Variants in NEK11 observed in about 807,000 individuals in gnomAD.
The protein encoded by NEK11 is NIMA related kinase 11, also known as serine/threonine-protein kinase Nek11.
In NEK11, 72 loss-of-function variants were observed where a neutral mutation model predicts 80.7. The observed-to-expected ratio is 0.89, with a 90% CI of 0.74 to 1.08. The LOEUF (loss-of-function observed/expected upper bound fraction) is 1.08, where lower values mean the gene tolerates loss of function less well. Among genes scored for constraint, NEK11 ranks in the 50% least tolerant of loss-of-function variants. The pLI is 0.00. For synonymous variants in NEK11, 251 were observed against 260.7 expected (o/e 0.96, Z 0.36); for missense variants, 764 against 763.6 (o/e 1.00, Z -0.01).
intron 14 of NEK11, among the ~76,000 whole-genome samples, chr3:131,174,515 G>T (rs965875631): frequency 6.6e-6 from 1 of 152,176 alleles, no homozygotes; most frequent in Non-Finnish European, 1.5e-5. Flanking sequence ...GGCATATGAG[G>T]AGTTAGTTGC....
chr3:131,249,459 G>A (rs1210975847), intron 16 of NEK11, among the ~76,000 whole-genome samples: 3 of 152,126 alleles, frequency 2.0e-5, no homozygotes, highest in African/African-American at 4.8e-5. Flanking sequence ...CACTGGCACA[G>A]CCACAATATT....
At chr3:131,331,846 A>C (rs1230000516) in intron 17 of NEK11, among the ~76,000 whole-genome samples, 1 of 152,196 alleles carries the variant, frequency 6.6e-6, no homozygotes, top group Non-Finnish European at 1.5e-5. Flanking sequence ...CTACAACCAC[A>C]GAGTCTCGCT....
intron 17 of NEK11, among the ~76,000 whole-genome samples, chr3:131,323,444 C>G (rs1280589674): frequency 6.6e-6 from 1 of 151,658 alleles, no homozygotes; most frequent in Non-Finnish European, 1.5e-5. Flanking sequence ...GAAGCCTATA[C>G]TACCTTGGCC....
chr3:131,258,012 C>A (rs577952935), intron 16 of NEK11, among the ~76,000 whole-genome samples: 1 of 152,122 alleles, frequency 6.6e-6, no homozygotes, highest in Admixed American at 6.5e-5. Flanking sequence ...TAATGGCATG[C>A]ACAGCAACCT....
intron 17 of NEK11, among the ~76,000 whole-genome samples, chr3:131,309,987 TAAAAAAAAAAAAAAAAAAAAAAAAA>T (rs558210123): frequency 4.3e-5 from 1 of 23,274 alleles, no homozygotes; most frequent in East Asian, 1.1e-3. Context: ...AGACCATGTT[TAAAAAAAAAAAAAAAAAAAAAAAAA>T]AAAAAAAAAA....
At chr3:131,335,814 T>A (rs2097172596) in intron 17 of NEK11, among the ~76,000 whole-genome samples, 1 of 152,194 alleles carries the variant, frequency 6.6e-6, no homozygotes, top group South Asian at 2.1e-4. Flanking sequence ...AGCATTCTTA[T>A]ACATCAATAA....
intron 7 of NEK11, among the ~76,000 whole-genome samples, chr3:131,150,602 G>A (rs900778559): frequency 6.6e-6 from 1 of 151,776 alleles, no homozygotes; most frequent in Non-Finnish European, 1.5e-5. Flanking sequence ...AGTTTGTTTT[G>A]TGAGCAGAAT....
chr3:131,145,320 T>C (rs992382886), intron 7 of NEK11, among the ~76,000 whole-genome samples: 9 of 152,142 alleles, frequency 5.9e-5, no homozygotes, highest in African/African-American at 1.9e-4. Context: ...CATCTTTTTA[T>C]AACCTTAATA....
chr3:131,274,205 G>C (rs922464907), intron 17 of NEK11, among the ~76,000 whole-genome samples: 9 of 146,472 alleles, frequency 6.1e-5, no homozygotes, highest in Non-Finnish European at 8.9e-5. Context: ...GAGAATATGC[G>C]GTGTTTGGTT....
intron 16 of NEK11, among the ~76,000 whole-genome samples, chr3:131,264,763 A>C (rs2096012807): frequency 6.6e-6 from 1 of 152,184 alleles, no homozygotes; most frequent in South Asian, 2.1e-4. Flanking sequence ...AGTCATTGGT[A>C]GCTTGATGGG....
chr3:131,157,121 A>G (rs556394752), intron 10 of NEK11, among the ~76,000 whole-genome samples: 107 of 152,314 alleles, frequency 7.0e-4, no homozygotes, highest in African/African-American at 2.4e-3. Flanking sequence ...ATCCCTGGTA[A>G]CAAAATATTA....
At chr3:131,110,093 T>C (rs1292554630) in intron 5 of NEK11, among the ~76,000 whole-genome samples, 172 bp downstream of exon 5, 1 of 152,168 alleles carries the variant, frequency 6.6e-6, no homozygotes, top group Non-Finnish European at 1.5e-5. Flanking sequence ...TGATTATATC[T>C]AGAGGATTTA....
intron 7 of NEK11, among the ~76,000 whole-genome samples, chr3:131,142,635 C>G (rs1344333389): frequency 6.6e-6 from 1 of 152,154 alleles, no homozygotes; most frequent in Non-Finnish European, 1.5e-5. Flanking sequence ...CCTCCCTACC[C>G]CAACTCCAAA....
chr3:131,288,118 T>G (rs1292964505), intron 17 of NEK11, among the ~76,000 whole-genome samples: 2 of 151,970 alleles, frequency 1.3e-5, no homozygotes, highest in Non-Finnish European at 2.9e-5. Context: ...GGGAGAGAGG[T>G]CTCCTCTGCC....
At chr3:131,044,932 G>C (rs899483489) in intron 3 of NEK11, among the ~76,000 whole-genome samples, 1 of 152,058 alleles carries the variant, frequency 6.6e-6, no homozygotes, top group Non-Finnish European at 1.5e-5. Context: ...CTCTTAGACC[G>C]CAGTGCAATC....
chr3:131,253,694 C>T (rs1448013028), intron 16 of NEK11, among the ~76,000 whole-genome samples: 1 of 152,122 alleles, frequency 6.6e-6, no homozygotes, highest in African/African-American at 2.4e-5. Context: ...GTACACCATA[C>T]ACTGTGAATA....
At chr3:131,185,131 G>A (rs1003932226) in intron 14 of NEK11, among the ~76,000 whole-genome samples, 3 of 152,152 alleles carry the variant, frequency 2.0e-5, no homozygotes, top group African/African-American at 2.4e-5. Context: ...ATGACAGAAC[G>A]TTAGCAAATA....
At chr3:131,134,020 T>C in intron 7 of NEK11, 64 bp downstream of exon 7, 2 of 1,430,198 alleles carry the variant, frequency 1.4e-6, no homozygotes, top group South Asian at 1.6e-5. Flanking sequence ...ATTTTGTCTT[T>C]CAGCTCATTT....
At chr3:131,262,424 T>C (rs940284711) in intron 16 of NEK11, among the ~76,000 whole-genome samples, 3 of 152,204 alleles carry the variant, frequency 2.0e-5, no homozygotes, top group Admixed American at 1.3e-4. Context: ...TATCATATTC[T>C]ATAGGACATA....
Sources: gnomAD v4.1 joint callset for allele counts (sites outside exome capture counted in the v4.1 genomes callset) on GRCh38, gnomAD v4.1.1 for gene constraint, MANE v1.5 for transcripts, NCBI Gene and HGNC (gene_info 2026-07-23, HGNC 2026-07-21) for gene names.